The following ROBO2 variants were observed in gnomAD, a reference collection of about 807,000 sequenced individuals.
ROBO2 encodes the protein roundabout homolog 2.
Under a neutral mutation model 160.8 loss-of-function variants are expected in ROBO2, and 53 were observed. The ratio of observed to expected loss-of-function variants is 0.33; its 90% CI spans 0.26 to 0.41. ROBO2 has a LOEUF of 0.41. Among genes scored for constraint, ROBO2 ranks in the 10% least tolerant of loss-of-function variants. The probability of loss-of-function intolerance (pLI) is 1.00; values close to 1 mark genes in which losing one functional copy is unlikely to be tolerated. For missense variants in ROBO2, 1,577 were observed against 1,722.4 expected, an observed-to-expected ratio of 0.92 and a Z score of 1.49; for synonymous variants, 664 against 611.7, an observed-to-expected ratio of 1.09 and a Z score of -1.26.
chr3:77,281,506 GA>G (rs5850321), intron 2 of ROBO2, among the ~76,000 whole-genome samples: 146,929 of 150,604 alleles, frequency 0.98, 71,782 homozygotes, highest in Non-Finnish European at 1. Flanking sequence ...AGAAATGTAA[GA>G]AAAAAAAAAA....
chr3:77,176,982 T>A (rs551228187), intron 2 of ROBO2, among the ~76,000 whole-genome samples: 1 of 152,034 alleles, frequency 6.6e-6, no homozygotes, highest in Non-Finnish European at 1.5e-5. Context: ...CTTTAAAGAA[T>A]CTGTAGGTAA....
chr3:76,155,953 A>G (rs1406953873), intron 2 of ROBO2, among the ~76,000 whole-genome samples: 1 of 152,008 alleles, frequency 6.6e-6, no homozygotes, highest in Admixed American at 6.6e-5. Context: ...CAAAGAAACT[A>G]GTCGGTTATA....
chr3:76,232,976 A>C (rs1027978790), intron 2 of ROBO2, among the ~76,000 whole-genome samples: 1 of 152,178 alleles, frequency 6.6e-6, no homozygotes, highest in African/African-American at 2.4e-5. Context: ...CTCTTTCTAA[A>C]GAAGAACTGT....
chr3:76,627,016 T>G (rs2089693898), intron 2 of ROBO2, among the ~76,000 whole-genome samples: 1 of 152,128 alleles, frequency 6.6e-6, no homozygotes, highest in Non-Finnish European at 1.5e-5. Context: ...TAAGGGACAA[T>G]CTAATATGCC....
At chr3:77,284,337 G>A (rs1349712427) in intron 2 of ROBO2, among the ~76,000 whole-genome samples, 1 of 152,070 alleles carries the variant, frequency 6.6e-6, no homozygotes, top group East Asian at 1.9e-4. Flanking sequence ...TGAGCATTAG[G>A]TTCCTCATCT....
At chr3:76,295,370 T>C (rs1197961850) in intron 2 of ROBO2, among the ~76,000 whole-genome samples, 1 of 152,014 alleles carries the variant, frequency 6.6e-6, no homozygotes, top group African/African-American at 2.4e-5. Flanking sequence ...AAAGTATGAA[T>C]GTAGAGGCAA....
intron 2 of ROBO2, among the ~76,000 whole-genome samples, chr3:76,456,350 A>C (rs977558406): frequency 1.3e-5 from 2 of 152,218 alleles, no homozygotes; most frequent in African/African-American, 4.8e-5. Flanking sequence ...TGTTCTAATT[A>C]TATCATCAAT....
chr3:75,934,085 C>T (rs371612365), intron 1 of ROBO2, among the ~76,000 whole-genome samples: 6 of 152,184 alleles, frequency 3.9e-5, no homozygotes, highest in Middle Eastern at 6.8e-3. Flanking sequence ...AAGTAATACG[C>T]GAACATTCTT....
intron 17 of ROBO2, among the ~76,000 whole-genome samples, chr3:77,590,204 G>A (rs1223915153): frequency 1.3e-5 from 2 of 152,106 alleles, no homozygotes; most frequent in Non-Finnish European, 2.9e-5. Context: ...TCCAGGACTA[G>A]AGAAAGTACT....
At chr3:76,821,133 G>T (rs778667468) in intron 2 of ROBO2, among the ~76,000 whole-genome samples, 1 of 151,722 alleles carries the variant, frequency 6.6e-6, no homozygotes, top group South Asian at 2.1e-4. Flanking sequence ...CAAAACAATC[G>T]AAAAAATAAA....
At chr3:76,871,602 C>G (rs1392350918) in intron 2 of ROBO2, among the ~76,000 whole-genome samples, 1 of 151,856 alleles carries the variant, frequency 6.6e-6, no homozygotes, top group Non-Finnish European at 1.5e-5. Context: ...AGCTAAACTT[C>G]CAATCAACCA....
chr3:76,163,450 A>G (rs1575718864), intron 2 of ROBO2, among the ~76,000 whole-genome samples: 1 of 150,230 alleles, frequency 6.7e-6, no homozygotes, highest in East Asian at 1.9e-4. Flanking sequence ...TTATATGGAT[A>G]TTTGCATATG....
At chr3:77,634,598 T>C in intron 23 of ROBO2, 2 of 436,956 alleles carry the variant, frequency 4.6e-6, no homozygotes, top group South Asian at 4.8e-5. Context: ...TCATGCAATA[T>C]TGAGTTGTGG....
At position 77,425,387 on chromosome 3, in the gene ROBO2, T is replaced by C. The variant is rs114595484; in HGVS notation, c.389-52027T>C. On this transcript the variant is annotated intron_variant, in intron 2 of 25. Coordinates refer to ENST00000461745, the Ensembl canonical transcript of ROBO2. Reference sequence around the variant, plus strand: ...TTGAGTAAAATTAAAAGAAAAAACATAGCTTGAGATGGTGTCCTCTTTTGG... The same window carrying C: ...TTGAGTAAAATTAAAAGAAAAAACACAGCTTGAGATGGTGTCCTCTTTTGG... 2.2e-3 allele frequency among the ~76,000 whole-genome samples: 339 copies of C among 152,192 alleles called. 1 individual carries two copies. The highest frequency in any genetic ancestry group is 8.0e-3 in the African/African-American group (333 of 41,532).
chr3:77,113,643 G>A (rs1406367870), intron 2 of ROBO2, among the ~76,000 whole-genome samples: 3 of 152,188 alleles, frequency 2.0e-5, no homozygotes. Context: ...TGGAGAAAGA[G>A]AGACAAGGAG....
chr3:76,737,314 G>GTT (rs950583966), intron 2 of ROBO2, among the ~76,000 whole-genome samples: 1 of 145,814 alleles, frequency 6.9e-6, no homozygotes, highest in South Asian at 2.1e-4. Context: ...TTATTCACAA[G>GTT]TTTTTTTTTT....
chr3:76,140,404 A>T (rs558696463), intron 2 of ROBO2, among the ~76,000 whole-genome samples: 1 of 152,044 alleles, frequency 6.6e-6, no homozygotes, highest in South Asian at 2.1e-4. Context: ...GCACTATTTC[A>T]TTTGCCTTAT....
In ROBO2 at chr3:76,812,909, A is replaced by ATTTT. The variant is rs71104626; in HGVS notation, c.110-285082_110-285079dup. 8.0e-3 allele frequency among the ~76,000 whole-genome samples: 841 copies of ATTTT among 104,646 alleles called. 30 individuals are homozygous for ATTTT. Among genetic ancestry groups the ATTTT allele is most frequent in the African/African-American group, 0.029 (794 of 27,534 alleles). The allele number at this position is 104,646 out of a possible 152,430, so 68.7% of individuals were successfully genotyped here. A position where few individuals can be genotyped will look rare whatever the true frequency, so the allele number is the denominator to read the frequency against. ...AAAGTGTCCTGGCACAGAAGTATAA[A>ATTTT]TTTTTTTTTTTTTTTTTTTTTTTTT... On this transcript the variant is annotated intron_variant, in intron 2 of 26. Transcript: ENST00000487694.
chr3:77,151,033 A>C (rs2077510033), intron 2 of ROBO2, among the ~76,000 whole-genome samples: 1 of 152,126 alleles, frequency 6.6e-6, no homozygotes, highest in Non-Finnish European at 1.5e-5. Flanking sequence ...ATCAAATTGC[A>C]TTATCATAAT....
Sources: gnomAD v4.1 joint callset for allele counts (sites outside exome capture counted in the v4.1 genomes callset) on GRCh38, gnomAD v4.1.1 for gene constraint, MANE v1.5 for transcripts, NCBI Gene and HGNC (gene_info 2026-07-23, HGNC 2026-07-21) for gene names.